The following ZW10 variants were observed in gnomAD, a reference collection of about 807,000 sequenced individuals.
The protein encoded by ZW10 is zw10 kinetochore protein.
Under a neutral mutation model 87.8 loss-of-function variants are expected in ZW10, and 53 were observed. That is an observed-to-expected ratio of 0.60 (90% CI 0.48 to 0.76). The LOEUF (loss-of-function observed/expected upper bound fraction) is 0.76. ZW10 is among the 30% of genes least tolerant of loss of function. The pLI is 0.00. For missense variants in ZW10, 837 were observed against 923.0 expected (o/e 0.91, Z 1.21); for synonymous variants, 312 against 329.2 (o/e 0.95, Z 0.57).
intron 5 of ZW10, among the ~76,000 whole-genome samples, chr11:113,759,110 C>A (rs1953830777): frequency 6.6e-6 from 1 of 152,128 alleles, no homozygotes. Context: ...GCAGAAGGAT[C>A]GCTTCAGCCT....
intron 2 of ZW10, 59 bp from the exon 3 acceptor site, chr11:113,760,977 A>C: frequency 2.9e-6 from 4 of 1,377,710 alleles, no homozygotes; most frequent in Admixed American, 2.0e-5. Flanking sequence ...GAAATAAAAA[A>C]TTTAAAGCAA....
intron 15 of ZW10, among the ~76,000 whole-genome samples, chr11:113,736,003 C>A (rs936792385): frequency 6.6e-6 from 1 of 152,072 alleles, no homozygotes; most frequent in African/African-American, 2.4e-5. Flanking sequence ...GTGGCTCATG[C>A]CTGTAATCCT....
chr11:113,772,137 CA>C (rs1953973768), intron 1 of ZW10, among the ~76,000 whole-genome samples: 1 of 151,682 alleles, frequency 6.6e-6, no homozygotes, highest in Non-Finnish European at 1.5e-5. Flanking sequence ...GCAACATAAG[CA>C]AAATATGGGA....
intron 1 of ZW10, among the ~76,000 whole-genome samples, chr11:113,772,788 C>A (rs1277578006): frequency 3.0e-5 from 4 of 134,254 alleles, no homozygotes; most frequent in Non-Finnish European, 4.7e-5. Context: ...GTCTGGCCAA[C>A]ATGGTGAAAC....
intron 1 of ZW10, among the ~76,000 whole-genome samples, chr11:113,773,311 C>T (rs1937662781): frequency 6.6e-6 from 1 of 152,006 alleles, no homozygotes; most frequent in South Asian, 2.1e-4. Context: ...CTGTTCGTCC[C>T]CACAGTCCCA....
Position 113,757,699 on chromosome 11 carries a change from G to C in ZW10, c.888C>G (p.Ile296Met), listed in dbSNP as rs1377822310. The C allele has an allele frequency of 6.2e-7, 1 of 1,611,528 alleles. No individual in the cohort carries two copies. The highest frequency in any genetic ancestry group is 8.5e-7 in the Non-Finnish European group (1 of 1,178,462). ...TCTGGAGCACTTCTAGTACCAGTCT[G>C]ATCTTTGTAAAAACTTCAGATGGTG... ...YPSPSEVFTKIRLVLEVLQKQ... is the reference protein window; with the variant it reads ...YPSPSEVFTKMRLVLEVLQKQ... The change falls in exon 7 of 16, where the codon ATC becomes ATG. Residue 296 changes from isoleucine (I) to methionine (M), a missense_variant. Ile to Met is a conservative substitution (Grantham distance 10). Transcript: ENST00000200135.
At position 113,741,785 on chromosome 11, in the gene ZW10, T is replaced by A; in HGVS notation, c.1512-20A>T. ...ACAGCACTAAAAAGAAAACATAGAC[T>A]TAACAGAAATGCCTAAGAATACACT... On this transcript the variant is annotated intron_variant, in intron 10 of 15. Transcript: ENST00000200135. 1 of 1,554,042 alleles carries A rather than the reference T, an allele frequency of 6.4e-7. No individual in the cohort carries two copies. The highest frequency in any genetic ancestry group is 8.8e-7 in the Non-Finnish European group (1 of 1,137,412).
chr11:113,744,587 T>C (rs1241684515), intron 9 of ZW10, among the ~76,000 whole-genome samples: 1 of 152,108 alleles, frequency 6.6e-6, no homozygotes, highest in East Asian at 1.9e-4. Flanking sequence ...TACTGTGACA[T>C]TCTTCTAAGC....
chr11:113,755,532 T>C (rs1420725876), intron 7 of ZW10, among the ~76,000 whole-genome samples: 1 of 152,232 alleles, frequency 6.6e-6, no homozygotes, highest in Non-Finnish European at 1.5e-5. Flanking sequence ...AATCTACTGC[T>C]GGTGAAGATG....
intron 5 of ZW10, 37 bp from the exon 6 acceptor site, chr11:113,758,743 AAT>A: frequency 6.2e-7 from 1 of 1,603,456 alleles, no homozygotes; most frequent in Middle Eastern, 1.7e-4. Context: ...CTGTCTCACC[AAT>A]ATGAGATGTT....
chr11:113,743,601 T>A (rs1953646972), intron 10 of ZW10, among the ~76,000 whole-genome samples: 1 of 152,244 alleles, frequency 6.6e-6, no homozygotes, highest in Non-Finnish European at 1.5e-5. Flanking sequence ...ACATCTATGC[T>A]ATTGCAAATA....
At chr11:113,750,308 CTT>C (rs111295027) in intron 7 of ZW10, among the ~76,000 whole-genome samples, 2 of 144,718 alleles carry the variant, frequency 1.4e-5, no homozygotes, top group Non-Finnish European at 1.5e-5. Flanking sequence ...CATTTTTTTT[CTT>C]TTTTTTTTTT....
Position 113,763,511 on chromosome 11 carries a change from C to T in ZW10, c.241-2593G>A, listed in dbSNP as rs1244152150. On this transcript the variant is annotated intron_variant, in intron 2 of 15. Transcript: ENST00000200135. ...GTGTAAAAACGTTCCTATTTCTCCA[C>T]ATCCTCTCCAGCATCTATTGTTTCC... Among the ~76,000 whole-genome samples the T allele has an allele frequency of 4.6e-5, 7 of 152,372 alleles. No homozygotes were observed. The East Asian group carries it at 1.2e-3, about 25-fold the overall frequency.
At chr11:113,753,426 G>A (rs1214060672) in intron 7 of ZW10, among the ~76,000 whole-genome samples, 1 of 152,028 alleles carries the variant, frequency 6.6e-6, no homozygotes, top group Non-Finnish European at 1.5e-5. Context: ...GTTTTTTTGA[G>A]ATAAAATCTT....
chr11:113,760,095 C>T, intron 5 of ZW10, 114 bp downstream of exon 5: 1 of 1,282,750 alleles, frequency 7.8e-7, no homozygotes, highest in Non-Finnish European at 1.1e-6. Flanking sequence ...TCAATACAGA[C>T]ATGGAAGATT....
intron 10 of ZW10, among the ~76,000 whole-genome samples, chr11:113,743,418 T>G (rs773175560): frequency 1.3e-5 from 2 of 152,232 alleles, no homozygotes; most frequent in Non-Finnish European, 2.9e-5. Context: ...CCAGGTAGGA[T>G]TCTAAGTTCT....
Position 113,758,547 on chromosome 11 carries a change from G to A in ZW10, c.733+7C>T, listed in dbSNP as rs746255380. The A allele has an allele frequency of 3.1e-6, 5 of 1,612,768 alleles. No homozygotes were observed. The Admixed American group carries it at 5.0e-5, about 16-fold the overall frequency. ...TTGTGTAAATGAAACAAAGTAGCAT[G>A]CCTTACCAAATGATTTAAGCTTGCT... On this transcript the variant is annotated splice_region_variant and intron_variant, in intron 6 of 15. Coordinates refer to ENST00000200135, the MANE Select transcript of ZW10 (RefSeq NM_004724.4).
intron 7 of ZW10, 43 bp downstream of exon 7, chr11:113,757,619 T>C: frequency 2.3e-6 from 3 of 1,305,020 alleles, no homozygotes; most frequent in Non-Finnish European, 3.0e-6. Context: ...ATAAACAATA[T>C]TTAGTTTCCA....
At chr11:113,744,304 G>A (rs112163453) in intron 9 of ZW10, among the ~76,000 whole-genome samples, 2 of 152,044 alleles carry the variant, frequency 1.3e-5, no homozygotes, top group South Asian at 2.1e-4. Flanking sequence ...GGAGAATGGC[G>A]CAAACCCGGG....
Sources: allele counts gnomAD v4.1 joint callset (sites outside exome capture counted in the v4.1 genomes callset), GRCh38; gene constraint gnomAD v4.1.1; transcripts MANE v1.5; gene names NCBI Gene and HGNC (gene_info 2026-07-23, HGNC 2026-07-21).